Variants in BICC1 observed in about 807,000 individuals in gnomAD.
The protein encoded by BICC1 is BicC family RNA binding protein 1, also known as protein bicaudal C homolog 1.
In BICC1, 43 loss-of-function variants were observed where a neutral mutation model predicts 111.0. That is an observed-to-expected ratio of 0.39 (90% CI 0.30 to 0.50). The LOEUF (loss-of-function observed/expected upper bound fraction) is 0.50, where lower values mean the gene tolerates loss of function less well. Ranked by LOEUF, BICC1 falls within the 20% of genes least tolerant of loss-of-function variation. The probability of loss-of-function intolerance (pLI) is 0.88; values close to 1 mark genes in which losing one functional copy is unlikely to be tolerated. For missense variants in BICC1, 1,091 were observed against 1,203.2 expected (o/e 0.91, Z 1.38); for synonymous variants, 467 against 434.4 (o/e 1.07, Z -0.93).
intron 2 of BICC1, among the ~76,000 whole-genome samples, chr10:58,654,609 C>A (rs1348528551): frequency 1.1e-5 from 1 of 87,840 alleles, no homozygotes; most frequent in Non-Finnish European, 2.4e-5. Context: ...TAGGTTGCGA[C>A]AATTTTCTCC....
At chr10:58,545,379 G>T (rs565884895) in intron 1 of BICC1, among the ~76,000 whole-genome samples, 1 of 152,088 alleles carries the variant, frequency 6.6e-6, no homozygotes, top group Non-Finnish European at 1.5e-5. Flanking sequence ...AGAAATTAAC[G>T]TTGACTGTGA....
In BICC1 at chr10:58,789,396, C is replaced by G; in HGVS notation, c.735C>G (p.Ser245=). The change falls in exon 7 of 21, where the codon TCC becomes TCG. Residue 245 remains serine (S), a synonymous_variant. Coordinates refer to ENST00000373886, the MANE Select transcript of BICC1 (RefSeq NM_001080512.3). ...YNISVSFKQR[S]RMYGATVIVR... ...TTTCAGTATCATTTAAACAGCGTTCCCGAATGTATGGTGCTACTGTCATAG... is the reference window on the plus strand; with the variant it reads ...TTTCAGTATCATTTAAACAGCGTTCGCGAATGTATGGTGCTACTGTCATAG... 6.2e-7 allele frequency: 1 copy of G among 1,613,988 alleles called. No homozygotes were observed. Among genetic ancestry groups the G allele is most frequent in the Non-Finnish European group, 8.5e-7 (1 of 1,179,964 alleles).
Position 58,590,711 on chromosome 10 carries a change from C to T in BICC1, c.191-30144C>T, listed in dbSNP as rs1329750590. Reference sequence around the variant, plus strand: ...CTAATGGAAAGTGCTCCAAGTTTCTCTAGTGAAAGTGGCTTCACTTACCTC... The same window carrying T: ...CTAATGGAAAGTGCTCCAAGTTTCTTTAGTGAAAGTGGCTTCACTTACCTC... On this transcript the variant is annotated intron_variant, in intron 1 of 20. Transcript: ENST00000373886. 4.6e-5 allele frequency among the ~76,000 whole-genome samples: 7 copies of T among 152,184 alleles called. No homozygotes were observed. In the East Asian group the frequency reaches 1.2e-3, roughly 25 times the overall value.
intron 2 of BICC1, among the ~76,000 whole-genome samples, chr10:58,687,103 T>G (rs1432120427): frequency 6.6e-6 from 1 of 152,232 alleles, no homozygotes; most frequent in Non-Finnish European, 1.5e-5. Context: ...GTCAGGACCC[T>G]CAGCTGCAGG....
At chr10:58,656,959 T>A (rs1838675592) in intron 2 of BICC1, among the ~76,000 whole-genome samples, 2 of 152,122 alleles carry the variant, frequency 1.3e-5, no homozygotes, top group African/African-American at 4.8e-5. Flanking sequence ...GGACATCTAT[T>A]AGGAGATTGA....
rs1844502659 is a variant in BICC1 at position 58,829,674 on chromosome 10, G to A, written c.*783G>A. On this transcript the variant is annotated 3_prime_UTR_variant, in exon 21 of 21. Transcript: ENST00000373886. ...AATAGGTGCAAAGAAAGACCAAATG[G>A]ACTTTGCAGTATTAACCCTTTGCAG... is the stretch of plus-strand genomic sequence containing the variant. The A allele has an allele frequency of 6.6e-6, 1 of 152,158 alleles. No individual in the cohort carries two copies. Among genetic ancestry groups the A allele is most frequent in the Admixed American group, 6.6e-5 (1 of 15,258 alleles). 9.4% of individuals were successfully genotyped at this position (152,158 alleles called of 1,614,324 possible).
chr10:58,637,699 A>G (rs1422907604), intron 2 of BICC1, among the ~76,000 whole-genome samples: 1 of 152,224 alleles, frequency 6.6e-6, no homozygotes, highest in Non-Finnish European at 1.5e-5. Context: ...GAAAGCTTTT[A>G]TAGAATATTG....
At chr10:58,793,440 A>C (rs1192501579) in intron 8 of BICC1, 44 bp from the exon 9 acceptor site, 1 of 1,554,298 alleles carries the variant, frequency 6.4e-7, no homozygotes, top group African/African-American at 1.4e-5. Flanking sequence ...TGTTTAAATG[A>C]TTAAATTTTT....
intron 1 of BICC1, among the ~76,000 whole-genome samples, chr10:58,526,809 T>C (rs1283791142): frequency 2.0e-5 from 3 of 152,250 alleles, no homozygotes; most frequent in Non-Finnish European, 2.9e-5. Context: ...TGCCACATTT[T>C]CTTAATTCAG....
At chr10:58,515,831 A>G (rs1367899805) in intron 1 of BICC1, among the ~76,000 whole-genome samples, 1 of 152,226 alleles carries the variant, frequency 6.6e-6, no homozygotes, top group Non-Finnish European at 1.5e-5. Flanking sequence ...TGTTTGGTCA[A>G]TGATAAGAAC....
At chr10:58,762,251 A>G (rs987252112) in intron 3 of BICC1, among the ~76,000 whole-genome samples, 1 of 152,154 alleles carries the variant, frequency 6.6e-6, no homozygotes. Context: ...AAGCTATGGA[A>G]ACTTGAAGAG....
chr10:58,701,962 T>C (rs2132450241), intron 2 of BICC1, 112 bp from the exon 3 acceptor site: 1 of 709,978 alleles, frequency 1.4e-6, no homozygotes, highest in Non-Finnish European at 2.3e-6. Flanking sequence ...GAGATCATTT[T>C]GTATGAACAT....
intron 1 of BICC1, among the ~76,000 whole-genome samples, chr10:58,583,196 T>C (rs935619098): frequency 1.3e-5 from 2 of 152,212 alleles, no homozygotes; most frequent in Non-Finnish European, 2.9e-5. Flanking sequence ...TCATGAACTT[T>C]TATGGATTCT....
intron 9 of BICC1, among the ~76,000 whole-genome samples, chr10:58,795,132 C>A (rs6481436): frequency 0.58 from 87,744 of 151,774 alleles, 25,450 homozygotes; most frequent in East Asian, 0.68. Context: ...AACAAAAATC[C>A]GAAATAAGAA....
At chr10:58,519,100 G>A (rs1005537303) in intron 1 of BICC1, among the ~76,000 whole-genome samples, 3 of 152,160 alleles carry the variant, frequency 2.0e-5, no homozygotes, top group Non-Finnish European at 1.5e-5. Flanking sequence ...CAGGCTCCAA[G>A]AGCTGCTCAA....
intron 3 of BICC1, among the ~76,000 whole-genome samples, chr10:58,735,383 C>T (rs951725490): frequency 1.7e-4 from 26 of 152,154 alleles, no homozygotes; most frequent in African/African-American, 4.8e-4. Context: ...TAAAGCCCTT[C>T]GATGCCAGCC....
At chr10:58,517,730 G>C (rs1279293279) in intron 1 of BICC1, among the ~76,000 whole-genome samples, 1 of 152,138 alleles carries the variant, frequency 6.6e-6, no homozygotes, top group Non-Finnish European at 1.5e-5. Context: ...ATCACTTGGC[G>C]ACCTCATTTC....
Position 58,548,941 on chromosome 10 carries a change from C to A in BICC1, c.190+35608C>A, listed in dbSNP as rs186902046. Among the ~76,000 whole-genome samples, 1,015 of 152,170 alleles carry A rather than the reference C, an allele frequency of 6.7e-3. 4 individuals carry two copies. The highest frequency in any genetic ancestry group is 0.01 in the Non-Finnish European group (712 of 67,980). On this transcript the variant is annotated intron_variant, in intron 1 of 20. Transcript: ENST00000373886. ...GTGGTGCGATCATGGCTCACTGCAGCCTCAACTTCCTGGGCTCAGGTGATT... is the reference window on the plus strand; with the variant it reads ...GTGGTGCGATCATGGCTCACTGCAGACTCAACTTCCTGGGCTCAGGTGATT...
chr10:58,778,761 A>ATCAC (rs1424260787), intron 3 of BICC1, among the ~76,000 whole-genome samples: 3 of 152,204 alleles, frequency 2.0e-5, no homozygotes, highest in South Asian at 2.1e-4. Flanking sequence ...TTCTGGTTAT[A>ATCAC]TCACCTGACA....
Sources: allele counts gnomAD v4.1 joint callset (sites outside exome capture counted in the v4.1 genomes callset), GRCh38; gene constraint gnomAD v4.1.1; transcripts MANE v1.5; gene names NCBI Gene and HGNC (gene_info 2026-07-23, HGNC 2026-07-21).